SLC14A2: variants seen among roughly 807,000 people sequenced by gnomAD.
SLC14A2 encodes the protein solute carrier family 14 member 2.
Under a neutral mutation model 104.6 loss-of-function variants are expected in SLC14A2, and 91 were observed. The observed-to-expected ratio is 0.87, with a 90% CI of 0.73 to 1.04. The LOEUF (loss-of-function observed/expected upper bound fraction) is 1.04. Among genes scored for constraint, SLC14A2 ranks in the 50% least tolerant of loss-of-function variants. The pLI is 0.00. For missense variants in SLC14A2, 1,189 were observed against 1,156.0 expected, an observed-to-expected ratio of 1.03 and a Z score of -0.41; for synonymous variants, 476 against 466.4, an observed-to-expected ratio of 1.02 and a Z score of -0.27.
At chr18:45,525,534 G>T (rs578223336) in intron 2 of SLC14A2, among the ~76,000 whole-genome samples, 1 of 152,312 alleles carries the variant, frequency 6.6e-6, no homozygotes, top group South Asian at 2.1e-4. Flanking sequence ...TTCTGAACAT[G>T]TGCCAAAGCC....
At chr18:45,227,583 G>A (rs1287605646) in intron 1 of SLC14A2, among the ~76,000 whole-genome samples, 1 of 152,170 alleles carries the variant, frequency 6.6e-6, no homozygotes, top group African/African-American at 2.4e-5. Context: ...GAGCCCTCCT[G>A]GCCTGATCAC....
At chr18:45,288,474 C>T (rs545421569) in intron 1 of SLC14A2, among the ~76,000 whole-genome samples, 2 of 152,194 alleles carry the variant, frequency 1.3e-5, no homozygotes, top group East Asian at 1.9e-4. Flanking sequence ...GAGGAAAGGC[C>T]CTTCCCCTAC....
chr18:45,187,658 G>A, the SLC14A2 span, among the ~76,000 whole-genome samples: 1 of 151,986 alleles, frequency 6.6e-6, no homozygotes, highest in African/African-American at 2.4e-5. Flanking sequence ...GCCACCTTAT[G>A]CCCGTCCAGA....
intron 1 of SLC14A2, among the ~76,000 whole-genome samples, chr18:45,388,631 G>GC (rs2085927387): frequency 6.6e-6 from 1 of 151,960 alleles, no homozygotes; most frequent in Admixed American, 6.6e-5. Flanking sequence ...CTTTCTCTCT[G>GC]CCACCCGCCC....
intron 1 of SLC14A2, among the ~76,000 whole-genome samples, chr18:45,213,771 G>A (rs548788582): frequency 6.6e-6 from 1 of 152,270 alleles, no homozygotes; most frequent in Non-Finnish European, 1.5e-5. Flanking sequence ...TCAAATTAAT[G>A]ATCCTGTTCA....
chr18:45,452,278 T>C (rs186826654), intron 1 of SLC14A2, among the ~76,000 whole-genome samples: 79 of 152,336 alleles, frequency 5.2e-4, no homozygotes, highest in Non-Finnish European at 7.2e-4. Context: ...ACCCAGCACT[T>C]GGGGTACTAA....
chr18:45,334,503 A>G (rs1032844556), intron 1 of SLC14A2, among the ~76,000 whole-genome samples: 1 of 152,208 alleles, frequency 6.6e-6, no homozygotes, highest in Non-Finnish European at 1.5e-5. Flanking sequence ...AATAAGAAAG[A>G]AAGTTCTTAA....
chr18:45,569,868 T>A (rs1229175904), intron 2 of SLC14A2, among the ~76,000 whole-genome samples: 2 of 152,182 alleles, frequency 1.3e-5, no homozygotes, highest in Non-Finnish European at 2.9e-5. Flanking sequence ...TCACATTCTT[T>A]CTTCAGGCTT....
Position 45,626,371 on chromosome 18 carries a change from G to A in SLC14A2, c.331+508G>A, listed in dbSNP as rs550558358. 2.1e-3 allele frequency among the ~76,000 whole-genome samples: 320 copies of A among 152,142 alleles called. 1 individual carries two copies. The highest frequency in any genetic ancestry group is 6.8e-3 in the Middle Eastern group (2 of 294). On this transcript the variant is annotated intron_variant, in intron 3 of 19. Coordinates refer to ENST00000255226, the MANE Select transcript of SLC14A2 (RefSeq NM_007163.4). ...CACACCCTTCACTCCCACTAGCCCC[G>A]ACACCTGCACCAGTTGTCATGGAAA...
At chr18:45,632,311 A>G (rs776386268) in intron 4 of SLC14A2, 39 bp from the exon 5 acceptor site, 1 of 1,600,568 alleles carries the variant, frequency 6.2e-7, no homozygotes, top group Admixed American at 1.7e-5. Context: ...CAGTAACACC[A>G]CCAACTTCAA....
intron 1 of SLC14A2, among the ~76,000 whole-genome samples, chr18:45,253,836 AATAG>A (rs2084447805): frequency 6.6e-6 from 1 of 152,240 alleles, no homozygotes; most frequent in Non-Finnish European, 1.5e-5. Flanking sequence ...TATAGAAAAT[AATAG>A]TTTGTTTTGT....
chr18:45,287,474 C>A (rs189584660), intron 1 of SLC14A2, among the ~76,000 whole-genome samples: 1 of 152,146 alleles, frequency 6.6e-6, no homozygotes, highest in Non-Finnish European at 1.5e-5. Context: ...CCACAGCAAG[C>A]GGGTGAATTG....
At chr18:45,183,881 A>T in the SLC14A2 span, among the ~76,000 whole-genome samples, 3 of 138,950 alleles carry the variant, frequency 2.2e-5, no homozygotes, top group African/African-American at 8.2e-5. Flanking sequence ...TGTAGGCAGC[A>T]CCACCTCACC....
intron 1 of SLC14A2, among the ~76,000 whole-genome samples, chr18:45,418,140 A>G (rs531404325): frequency 1.3e-4 from 20 of 152,340 alleles, no homozygotes; most frequent in African/African-American, 4.6e-4. Flanking sequence ...AAGCAACAAT[A>G]TTCATTTATT....
At chr18:45,187,526 T>C in the SLC14A2 span, among the ~76,000 whole-genome samples, 1 of 152,176 alleles carries the variant, frequency 6.6e-6, no homozygotes, top group Non-Finnish European at 1.5e-5. Flanking sequence ...TGTATAACTA[T>C]CATTGTTTAC....
At chr18:45,285,666 C>CAA (rs1005897155) in intron 1 of SLC14A2, among the ~76,000 whole-genome samples, 1 of 79,744 alleles carries the variant, frequency 1.3e-5, no homozygotes, top group African/African-American at 8.8e-5. Context: ...GATCTGCCCC[C>CAA]CCCCCCCCTC....
intron 1 of SLC14A2, among the ~76,000 whole-genome samples, chr18:45,345,782 T>A (rs1258888817): frequency 6.6e-6 from 1 of 152,238 alleles, no homozygotes; most frequent in Non-Finnish European, 1.5e-5. Flanking sequence ...AATTCATATA[T>A]GTGCCTCCAA....
intron 2 of SLC14A2, among the ~76,000 whole-genome samples, chr18:45,564,285 G>A (rs530230964): frequency 3.9e-5 from 6 of 152,292 alleles, no homozygotes; most frequent in South Asian, 2.1e-4. Context: ...GGAATTTCCC[G>A]CCAAGTAGCT....
Position 45,641,232 on chromosome 18 carries a change from G to A in SLC14A2, c.1015G>A (p.Glu339Lys), listed in dbSNP as rs200386055. ...AGCCCTGTCAGTGGCCACACCCTTC[G>A]AGACCATCTACACAGGCCTCTGGAG... is the stretch of plus-strand genomic sequence containing the variant. Reference protein sequence around the residue: ...LAALSVATPFETIYTGLWSYN... With the variant: ...LAALSVATPFKTIYTGLWSYN... Residue 339 changes from glutamate (E) to lysine (K), a missense_variant, in exon 8 of 20, where the codon GAG becomes AAG. Physicochemically the swap from Glu to Lys is moderately conservative, Grantham distance 56. Transcript: ENST00000255226. The A allele has an allele frequency of 2.0e-4, 323 of 1,613,402 alleles. No homozygotes were observed. Among genetic ancestry groups the A allele is most frequent in the Non-Finnish European group, 2.7e-4 (313 of 1,179,866 alleles).
Sources: allele counts gnomAD v4.1 joint callset (sites outside exome capture counted in the v4.1 genomes callset), GRCh38; gene constraint gnomAD v4.1.1; transcripts MANE v1.5; gene names NCBI Gene and HGNC (gene_info 2026-07-23, HGNC 2026-07-21).